CLCN1: variants seen among roughly 807,000 people sequenced by gnomAD.
CLCN1 encodes chloride voltage-gated channel 1.
CLCN1 carries 100 observed loss-of-function variants against 114.5 expected under a neutral mutation model. The ratio of observed to expected loss-of-function variants is 0.87; its 90% confidence interval spans 0.74 to 1.03. The LOEUF is 1.03. Ranked by LOEUF, CLCN1 falls within the 50% of genes least tolerant of loss-of-function variation. The pLI is 0.00. For synonymous variants in CLCN1, 485 were observed against 487.1 expected (o/e 1.00, Z 0.06); for missense variants, 1,188 against 1,250.0 (o/e 0.95, Z 0.75).
rs1428206522 is a variant in CLCN1 at position 143,321,561 on chromosome 7, T to C, written c.562+68T>C. ...AGAGGGGCCCTGTCTGTCTCCCCCATCATCCAGCCCCACCCACAGCCCTGT... is the reference window on the plus strand; with the variant it reads ...AGAGGGGCCCTGTCTGTCTCCCCCACCATCCAGCCCCACCCACAGCCCTGT... On this transcript the variant is annotated intron_variant, in intron 4 of 22. Coordinates refer to ENST00000343257, the MANE Select transcript of CLCN1 (RefSeq NM_000083.3). The surrounding 1 kb of genome is among the most constrained non-coding windows in gnomAD (Gnocchi z 4.2). 4 of 1,611,504 alleles carry C rather than the reference T, an allele frequency of 2.5e-6. No homozygotes were observed. The East Asian group carries it at 6.7e-5, about 27-fold the overall frequency.
At chr7:143,323,459 G>T in intron 6 of CLCN1, 73 bp downstream of exon 6, 1 of 1,051,556 alleles carries the variant, frequency 9.5e-7, no homozygotes. Flanking sequence ...AGGGTGTTGG[G>T]AGGGCTGCCT....
At position 143,342,416 on chromosome 7, in the gene CLCN1, A is replaced by G; in HGVS notation, c.1841A>G (p.Lys614Arg). 1 of 1,614,112 alleles carries G rather than the reference A, an allele frequency of 6.2e-7. No homozygotes were observed. The highest frequency in any genetic ancestry group is 8.5e-7 in the Non-Finnish European group (1 of 1,180,000). The change falls in exon 16 of 23, where the codon AAG becomes AGG. Residue 614 changes from lysine (K) to arginine (R), a missense_variant. By Grantham distance (26) the Lys-to-Arg change is conservative. Coordinates refer to ENST00000343257, the MANE Select transcript of CLCN1 (RefSeq NM_000083.3). ...GAGGACATCATGGTACGTGATGTGA[A>G]GTTTGTTTCAGCTTCTTACACATAT... is the stretch of plus-strand genomic sequence containing the variant. ...FVEDIMVRDVKFVSASYTYGE... is the reference protein window; with the variant it reads ...FVEDIMVRDVRFVSASYTYGE...
rs768895329 is a variant in CLCN1 at position 143,339,489 on chromosome 7, CT to C, written c.1472-20del. 2.5e-6 allele frequency: 4 copies of C among 1,577,898 alleles called. No homozygotes were observed. In the South Asian group the frequency reaches 4.4e-5, roughly 17 times the overall value. ...GGAACTTGGATCTCGTAACACCTTC[CT>C]TCCTTTTATCTTCCCTCTAGGAGCT... On this transcript the variant is annotated intron_variant, in intron 13 of 22. Coordinates refer to ENST00000343257, the MANE Select transcript of CLCN1 (RefSeq NM_000083.3). The surrounding 1 kb of genome is among the most constrained non-coding windows in gnomAD (Gnocchi z 4.1).
rs780173260 is a variant in CLCN1, at chr7:143,346,164, C to G, written c.2197C>G (p.Pro733Ala). ...SELPPSLALH[P>A]STTAPLSPEE... The stretch of plus-strand genomic sequence containing the variant: ...GCTTCCTCCTTCCCTTGCTCTCCAC[C>G]CCTCTACTACTGCCCCTCTGTCCCC... The change falls in exon 18 of 23, where the codon CCC (proline) becomes GCC (alanine). Residue 733 changes from proline to alanine, a missense_variant. Pro to Ala is a conservative substitution (Grantham distance 27, BLOSUM62 -1). Transcript: ENST00000343257. 1.9e-6 allele frequency: 3 copies of G among 1,612,292 alleles called. No homozygotes were observed. The highest frequency in any genetic ancestry group is 2.7e-5 in the African/African-American group (2 of 74,960).
In CLCN1 at chr7:143,350,618, C is replaced by T; in HGVS notation, c.2559C>T (p.Ser853=). 1.2e-6 allele frequency: 2 copies of T among 1,614,168 alleles called. No individual in the cohort carries two copies. The highest frequency in any genetic ancestry group is 1.7e-6 in the Non-Finnish European group (2 of 1,180,030). ...GCCTCCACCTCGCTTACGTGACCAG[C>T]ATGGGGAAGCTCAGGGGCGTCCTGG... ...LLGLHLAYVT[S]MGKLRGVLAL... The change falls in exon 22 of 23, where the codon AGC becomes AGT. Residue 853 remains serine, a synonymous_variant. Coordinates refer to ENST00000343257, the MANE Select transcript of CLCN1 (RefSeq NM_000083.3). The surrounding 1 kb of genome is among the most constrained non-coding windows in gnomAD (Gnocchi z 5.1).
intron 16 of CLCN1, among the ~76,000 whole-genome samples, chr7:143,344,754 T>G (rs2116381037): frequency 1.3e-5 from 2 of 149,060 alleles, no homozygotes; most frequent in African/African-American, 5.0e-5. Flanking sequence ...TAGCAGGGTT[T>G]TTTTTTTTTT....
At chr7:143,318,373 C>T (rs1802344062) in intron 1 of CLCN1, among the ~76,000 whole-genome samples, 1 of 152,128 alleles carries the variant, frequency 6.6e-6, no homozygotes, top group Non-Finnish European at 1.5e-5. Context: ...CAGGCATGCG[C>T]CACCATGCCT....
chr7:143,331,548 C>T lies in CLCN1; in HGVS notation c.1065-3C>T, dbSNP rs1802724320. The T allele has an allele frequency of 2.5e-6, 4 of 1,606,596 alleles. No individual in the cohort carries two copies. In the African/African-American group the frequency reaches 5.3e-5, roughly 21 times the overall value. ...ATTCCAACTCTATAAATTACACCCT[C>T]AGGATTTGCTGTGGGCTCCTGGGAG... On this transcript the variant is annotated splice_region_variant and splice_polypyrimidine_tract_variant and intron_variant, in intron 9 of 22. Coordinates refer to ENST00000343257, the MANE Select transcript of CLCN1 (RefSeq NM_000083.3).
At chr7:143,317,937 C>A (rs948285966) in intron 1 of CLCN1, among the ~76,000 whole-genome samples, 1 of 152,078 alleles carries the variant, frequency 6.6e-6, no homozygotes, top group Non-Finnish European at 1.5e-5. Flanking sequence ...AGTAACAGTG[C>A]CATTATGGCA....
rs922531376 is a variant in CLCN1, at chr7:143,350,871, G to A, written c.2595+217G>A. Among the ~76,000 whole-genome samples the A allele has an allele frequency of 4.0e-5, 6 of 151,548 alleles. No individual in the cohort carries two copies. Among genetic ancestry groups the A allele is most frequent in the South Asian group, 2.1e-4 (1 of 4,822 alleles). Reference sequence around the variant, plus strand: ...CAGCTCACTGCAACCTCCGCCTCCCGGGTTCAAGTGATTCTCCTGCCTCAG... The same window carrying A: ...CAGCTCACTGCAACCTCCGCCTCCCAGGTTCAAGTGATTCTCCTGCCTCAG... On this transcript the variant is annotated intron_variant, in intron 22 of 22. Transcript: ENST00000343257. This position sits in a 1 kb window ranked among gnomAD's most constrained non-coding sequence, Gnocchi z 5.1.
chr7:143,339,046 C>G lies in CLCN1; in HGVS notation c.1402-207C>G, dbSNP rs961788098. Among the ~76,000 whole-genome samples the G allele has an allele frequency of 1.3e-5, 2 of 152,162 alleles. No individual in the cohort carries two copies. Among genetic ancestry groups the G allele is most frequent in the Admixed American group, 6.5e-5 (1 of 15,278 alleles). On this transcript the variant is annotated intron_variant, in intron 12 of 22. Transcript: ENST00000343257. The surrounding 1 kb of genome is among the most constrained non-coding windows in gnomAD (Gnocchi z 4.1). The stretch of plus-strand genomic sequence containing the variant: ...GATTTGGTCTAGCCATCTAGAGGAA[C>G]CTTCTGATAGTATTGTCTTTGGTGA...
chr7:143,322,558 G>A (rs1008140689), intron 5 of CLCN1, among the ~76,000 whole-genome samples: 4 of 152,112 alleles, frequency 2.6e-5, no homozygotes, highest in Non-Finnish European at 2.9e-5. Context: ...TGTCTAGCTC[G>A]CTTGCCCAAG....
chr7:143,341,851 T>C lies in CLCN1; in HGVS notation c.1583-78T>C, dbSNP rs997398697. 3 of 1,137,024 alleles carry C rather than the reference T, an allele frequency of 2.6e-6. No homozygotes were observed. The African/African-American group carries it at 4.6e-5, about 17-fold the overall frequency. 70.4% of individuals were successfully genotyped at this position (1,137,024 alleles called of 1,614,324 possible). On this transcript the variant is annotated intron_variant, in intron 14 of 22. Transcript: ENST00000343257. The stretch of plus-strand genomic sequence containing the variant: ...GGGTCATGTCTCTCATTCCGTGTTA[T>C]TCCCATCCCATCCCCATATGTCCTT...
At chr7:143,345,319 C>T (rs553700445) in intron 16 of CLCN1, among the ~76,000 whole-genome samples, 2 of 152,260 alleles carry the variant, frequency 1.3e-5, no homozygotes, top group Admixed American at 6.5e-5. Flanking sequence ...CAATTGGCCC[C>T]GTACCTGCTA....
chr7:143,346,789 G>T lies in CLCN1; in HGVS notation c.2365-122G>T. On this transcript the variant is annotated intron_variant, in intron 19 of 22. Transcript: ENST00000343257. ...AGGAGTTTAATCATATGGAAGGGAT[G>T]ATGAATGAAAAGGAGGCATCGGTGG... The T allele has an allele frequency of 2.5e-6, 3 of 1,193,068 alleles. No individual in the cohort carries two copies. In the South Asian group the frequency reaches 3.7e-5, roughly 15 times the overall value. 73.9% of individuals were successfully genotyped at this position (1,193,068 alleles called of 1,614,324 possible). A position where few individuals can be genotyped will look rare whatever the true frequency, so the allele number is the denominator to read the frequency against.
intron 12 of CLCN1, among the ~76,000 whole-genome samples, chr7:143,338,659 C>T (rs969024383): frequency 1.3e-5 from 2 of 151,976 alleles, no homozygotes; most frequent in Admixed American, 1.3e-4. Flanking sequence ...TGGTGGCGTG[C>T]GCCTATAGTC....
chr7:143,320,328 A>G (rs565751286), intron 2 of CLCN1, among the ~76,000 whole-genome samples: 1 of 152,248 alleles, frequency 6.6e-6, no homozygotes, highest in African/African-American at 2.4e-5. Context: ...CACTTTGCCT[A>G]TTCCCTGTTA....
chr7:143,331,798 G>A lies in CLCN1; in HGVS notation c.1166+146G>A. On this transcript the variant is annotated intron_variant, in intron 10 of 22. Transcript: ENST00000343257. Reference sequence around the variant, plus strand: ...GAAGCTCTGATATTGTGGTTAGGGGGTGAATTGTGTGGTCTCCCATTTAAA... The same window carrying A: ...GAAGCTCTGATATTGTGGTTAGGGGATGAATTGTGTGGTCTCCCATTTAAA... 7 of 691,468 alleles carry A rather than the reference G, an allele frequency of 1.0e-5. No individual in the cohort carries two copies. In the South Asian group the frequency reaches 1.1e-4, roughly 11 times the overall value. 42.8% of individuals were successfully genotyped at this position (691,468 alleles called of 1,614,324 possible).
chr7:143,326,165 C>T (rs1471859419), intron 7 of CLCN1, among the ~76,000 whole-genome samples: 2 of 151,906 alleles, frequency 1.3e-5, no homozygotes, highest in South Asian at 2.1e-4. Flanking sequence ...TACAGGCCTG[C>T]GCCATCACGC....
Sources: gnomAD v4.1 joint callset for allele counts (sites outside exome capture counted in the v4.1 genomes callset) on GRCh38, gnomAD v4.1.1 for gene constraint, Gnocchi (gnomAD v3.1) non-coding constraint, MANE v1.5 for transcripts, NCBI Gene and HGNC (gene_info 2026-07-23, HGNC 2026-07-21) for gene names.